Variants in NELL1 observed in about 807,000 individuals in gnomAD.
NELL1 encodes protein kinase C-binding protein NELL1.
NELL1 carries 76 observed loss-of-function variants against 107.4 expected under a neutral mutation model. That is an observed-to-expected ratio of 0.71 (90% CI 0.59 to 0.86). The LOEUF is 0.86. Ranked by LOEUF, NELL1 falls within the 40% of genes least tolerant of loss-of-function variation. NELL1 has a pLI of 0.00. For synonymous variants in NELL1, 353 were observed against 341.2 expected (o/e 1.03, Z -0.38); for missense variants, 1,024 against 1,005.5 (o/e 1.02, Z -0.25).
At chr11:21,569,261 A>C (rs376693346) in intron 17 of NELL1, among the ~76,000 whole-genome samples, 1 of 152,040 alleles carries the variant, frequency 6.6e-6, no homozygotes, top group African/African-American at 2.4e-5. Context: ...AAACAAGGTG[A>C]GCATTAAATT....
intron 2 of NELL1, among the ~76,000 whole-genome samples, chr11:20,771,445 A>C (rs568176010): frequency 6.6e-6 from 1 of 152,292 alleles, no homozygotes; most frequent in East Asian, 1.9e-4. Flanking sequence ...TAAACCAACT[A>C]AATTACTTGT....
intron 2 of NELL1, among the ~76,000 whole-genome samples, chr11:20,692,338 T>G (rs1854490377): frequency 6.6e-6 from 1 of 152,144 alleles, no homozygotes; most frequent in African/African-American, 2.4e-5. Flanking sequence ...CTTTTGAATG[T>G]GTTTGCTCTT....
At chr11:21,246,930 C>T (rs1858508640) in intron 14 of NELL1, among the ~76,000 whole-genome samples, 1 of 152,102 alleles carries the variant, frequency 6.6e-6, no homozygotes, top group Admixed American at 6.6e-5. Context: ...GGAACCGCCC[C>T]CATGATTCAA....
intron 14 of NELL1, among the ~76,000 whole-genome samples, chr11:21,349,560 A>G (rs1413026650): frequency 2.0e-5 from 3 of 152,144 alleles, no homozygotes; most frequent in Non-Finnish European, 4.4e-5. Flanking sequence ...TTTTGAAAAA[A>G]TAATACAGAA....
At chr11:20,928,783 G>T (rs1362124566) in intron 9 of NELL1, among the ~76,000 whole-genome samples, 1 of 152,088 alleles carries the variant, frequency 6.6e-6, no homozygotes. Flanking sequence ...AAGTGGGTGA[G>T]GCTGATCTGT....
At chr11:20,984,431 G>A (rs190062437) in intron 12 of NELL1, among the ~76,000 whole-genome samples, 1,593 of 152,206 alleles carry the variant, frequency 0.01, 7 homozygotes, top group Non-Finnish European at 0.015. Context: ...TCTGCAAAAA[G>A]GGTTAGTAAT....
chr11:21,461,423 A>G (rs1853897295), intron 15 of NELL1, among the ~76,000 whole-genome samples: 1 of 152,096 alleles, frequency 6.6e-6, no homozygotes, highest in Non-Finnish European at 1.5e-5. Context: ...AACATGCTTT[A>G]TGCCAGGTCT....
intron 15 of NELL1, among the ~76,000 whole-genome samples, chr11:21,485,579 C>T (rs930975405): frequency 6.6e-6 from 1 of 151,876 alleles, no homozygotes; most frequent in African/African-American, 2.4e-5. Context: ...TGCTTGCGAG[C>T]TGCTGTAGGA....
intron 15 of NELL1, among the ~76,000 whole-genome samples, chr11:21,519,525 TTTGTTTTGTTTTGTTTTTTG>T (rs1160683778): frequency 3.6e-5 from 4 of 111,300 alleles, no homozygotes; most frequent in Non-Finnish European, 8.0e-5. Context: ...TGTTTGTTTG[TTTGTTTTGTTTTGTTTTTTG>T]TTTTTTTTTT....
rs529649830 is a variant in NELL1 at position 20,805,022 on chromosome 11, A to G, written c.335+21192A>G. ...CTTGCTTAATCTTTATCATTATATA[A>G]TAAACTTCTTTGTCTTTTTTATAGT... On this transcript the variant is annotated intron_variant, in intron 3 of 19. Transcript: ENST00000357134. 1.8e-4 allele frequency among the ~76,000 whole-genome samples: 27 copies of G among 152,296 alleles called. No individual in the cohort carries two copies. The South Asian group carries it at 5.4e-3, about 30-fold the overall frequency.
chr11:20,773,646 T>A (rs1409094806), intron 2 of NELL1: 1 of 152,044 alleles, frequency 6.6e-6, no homozygotes, highest in African/African-American at 2.4e-5. Context: ...TACAGGTACA[T>A]GCCACCAGGC....
chr11:21,348,506 A>G (rs1031243669), intron 14 of NELL1, among the ~76,000 whole-genome samples: 1 of 152,214 alleles, frequency 6.6e-6, no homozygotes, highest in African/African-American at 2.4e-5. Context: ...AGCTATATAA[A>G]TTTGATAAGA....
chr11:21,265,808 T>C (rs912222837), intron 14 of NELL1, among the ~76,000 whole-genome samples: 4 of 152,076 alleles, frequency 2.6e-5, no homozygotes, highest in African/African-American at 7.2e-5. Context: ...CTGAGCCTTG[T>C]ATTTTTATTT....
intron 13 of NELL1, among the ~76,000 whole-genome samples, chr11:21,164,552 T>C (rs983947273): frequency 2.0e-5 from 3 of 152,240 alleles, no homozygotes; most frequent in Non-Finnish European, 4.4e-5. Context: ...TTTAGTGTTA[T>C]ACACACTAGA....
At chr11:21,526,336 C>T (rs757188987) in intron 15 of NELL1, among the ~76,000 whole-genome samples, 1 of 152,208 alleles carries the variant, frequency 6.6e-6, no homozygotes, top group Non-Finnish European at 1.5e-5. Flanking sequence ...TGTGGCTTTG[C>T]AGGGTACACC....
chr11:21,341,138 G>T (rs1193827710), intron 14 of NELL1, among the ~76,000 whole-genome samples: 1 of 152,090 alleles, frequency 6.6e-6, no homozygotes, highest in Non-Finnish European at 1.5e-5. Flanking sequence ...CTGATAAAAA[G>T]AAATATGATA....
intron 15 of NELL1, among the ~76,000 whole-genome samples, chr11:21,459,971 C>T (rs1248827137): frequency 6.6e-6 from 1 of 152,038 alleles, no homozygotes; most frequent in Non-Finnish European, 1.5e-5. Context: ...ATGTTCAGAA[C>T]ATTGTCTGAT....
intron 4 of NELL1, among the ~76,000 whole-genome samples, chr11:20,862,302 C>T (rs12575542): frequency 0.65 from 98,682 of 151,904 alleles, 33,504 homozygotes; most frequent in Non-Finnish European, 0.76. Context: ...TTTTTTTAAG[C>T]AATTTTAGTT....
At chr11:21,020,080 T>C (rs1001618807) in intron 12 of NELL1, among the ~76,000 whole-genome samples, 2 of 152,112 alleles carry the variant, frequency 1.3e-5, no homozygotes, top group Non-Finnish European at 2.9e-5. Flanking sequence ...AACTATACAA[T>C]GGAGATATGA....
Sources: gnomAD v4.1 joint callset for allele counts (sites outside exome capture counted in the v4.1 genomes callset) on GRCh38, gnomAD v4.1.1 for gene constraint, MANE v1.5 for transcripts, NCBI Gene and HGNC (gene_info 2026-07-23, HGNC 2026-07-21) for gene names.